MMP26: variants seen among roughly 807,000 people sequenced by gnomAD.
MMP26 encodes the protein matrix metalloproteinase-26.
MMP26 carries 33 observed loss-of-function variants against 31.0 expected under a neutral mutation model. The ratio of observed to expected loss-of-function variants is 1.06; its 90% CI spans 0.81 to 1.42. The LOEUF is 1.42. Among genes scored for constraint, MMP26 ranks in the 40% most tolerant of loss-of-function variants. The pLI is 0.00. For synonymous variants in MMP26, 122 were observed against 114.9 expected, an observed-to-expected ratio of 1.06 and a Z score of -0.40; for missense variants, 347 against 316.1, an observed-to-expected ratio of 1.10 and a Z score of -0.74.
chr11:4,989,304 A>G (rs1304378033), intron 3 of MMP26, among the ~76,000 whole-genome samples: 3 of 152,238 alleles, frequency 2.0e-5, no homozygotes, highest in Non-Finnish European at 4.4e-5. Context: ...AACCTCCATC[A>G]GTCAGAAAGA....
intron 2 of MMP26, among the ~76,000 whole-genome samples, chr11:4,784,716 C>T (rs959621313): frequency 1.3e-5 from 2 of 152,140 alleles, no homozygotes; most frequent in Non-Finnish European, 2.9e-5. Flanking sequence ...AGAGATGGTA[C>T]ATTTGATTTG....
At position 4,988,301 on chromosome 11, in the gene MMP26, C is replaced by G. The variant is rs766140603; in HGVS notation, c.90C>G (p.Asp30Glu). The change falls in exon 3 of 8, where the codon GAC becomes GAG. Residue 30 changes from aspartate (D) to glutamate (E), a missense_variant. By Grantham distance (45) the Asp-to-Glu change is conservative. Transcript: ENST00000380390. The part of the protein sequence containing the change: ...VPPAADHKGW[D>E]FVEGYFHQFF... ...CTGCTGCAGACCATAAAGGATGGGACTTTGTTGAGGTAGGTGAACGACTCA... is the reference window on the plus strand; with the variant it reads ...CTGCTGCAGACCATAAAGGATGGGAGTTTGTTGAGGTAGGTGAACGACTCA... 6 of 1,613,642 alleles carry G rather than the reference C, an allele frequency of 3.7e-6. No homozygotes were observed. Among genetic ancestry groups the G allele is most frequent in the South Asian group, 1.1e-5 (1 of 91,066 alleles).
chr11:4,833,158 ATTTAC>A (rs971445907), intron 2 of MMP26: 1 of 152,138 alleles, frequency 6.6e-6, no homozygotes, highest in African/African-American at 2.4e-5. Context: ...AAATGGTTCT[ATTTAC>A]TTCAAAGTTT....
chr11:4,725,106 T>C (rs1053008464), intron 1 of MMP26, among the ~76,000 whole-genome samples: 10 of 152,162 alleles, frequency 6.6e-5, no homozygotes, highest in African/African-American at 2.4e-4. Flanking sequence ...TCTTCAGCCA[T>C]GTGAAGTGTT....
chr11:4,883,803 G>T (rs1164582638), intron 2 of MMP26, among the ~76,000 whole-genome samples: 3 of 152,112 alleles, frequency 2.0e-5, no homozygotes, highest in African/African-American at 7.2e-5. Flanking sequence ...GTTTTGTGAA[G>T]AAGTAAACTC....
At chr11:4,732,242 A>G (rs1848183052) in intron 1 of MMP26, among the ~76,000 whole-genome samples, 1 of 152,092 alleles carries the variant, frequency 6.6e-6, no homozygotes, top group South Asian at 2.1e-4. Context: ...CTTTTGTTGT[A>G]TCTTTTTATG....
chr11:4,762,502 A>T (rs1419382559), intron 1 of MMP26, among the ~76,000 whole-genome samples: 1 of 152,152 alleles, frequency 6.6e-6, no homozygotes, highest in African/African-American at 2.4e-5. Flanking sequence ...ATTATGTTAT[A>T]ATAATCAAGA....
At chr11:4,754,698 T>C (rs1036009828) in intron 1 of MMP26, among the ~76,000 whole-genome samples, 2 of 152,046 alleles carry the variant, frequency 1.3e-5, no homozygotes, top group Admixed American at 1.3e-4. Context: ...AGTTTGGCTA[T>C]TTCTCCAAAC....
intron 2 of MMP26, among the ~76,000 whole-genome samples, chr11:4,812,098 G>A (rs1354548051): frequency 6.6e-6 from 1 of 152,138 alleles, no homozygotes; most frequent in Non-Finnish European, 1.5e-5. Flanking sequence ...TGCAATTGCA[G>A]GGTTACAAAG....
At chr11:4,928,067 A>G (rs1291428283) in intron 2 of MMP26, among the ~76,000 whole-genome samples, 1 of 152,042 alleles carries the variant, frequency 6.6e-6, no homozygotes, top group African/African-American at 2.4e-5. Flanking sequence ...GGGGGGAGAG[A>G]GAGAGAGAAT....
intron 2 of MMP26, chr11:4,849,343 C>T (rs1156958461): frequency 1.2e-5 from 10 of 811,418 alleles, no homozygotes; most frequent in Non-Finnish European, 1.9e-5. Flanking sequence ...CTCACATACA[C>T]GTACACATAT....
intron 2 of MMP26, chr11:4,924,414 C>T: frequency 6.9e-7 from 1 of 1,447,636 alleles, no homozygotes; most frequent in Non-Finnish European, 9.3e-7. Context: ...TGAATTCTCA[C>T]TCACCTAAAT....
chr11:4,809,641 T>C (rs542034962), intron 2 of MMP26, among the ~76,000 whole-genome samples: 1 of 152,198 alleles, frequency 6.6e-6, no homozygotes, highest in Non-Finnish European at 1.5e-5. Context: ...GCTGGAGCAG[T>C]GTGGGGTTCA....
rs185898822 is a variant in MMP26 at position 4,821,609 on chromosome 11, A to G, written c.-145+54268A>G. 3,626 of 1,613,644 alleles carry G rather than the reference A, an allele frequency of 2.2e-3. 19 individuals carry two copies. In the Middle Eastern group the frequency reaches 0.024, roughly 11 times the overall value. On this transcript the variant is annotated intron_variant, in intron 2 of 7. Coordinates refer to ENST00000380390, the MANE Select transcript of MMP26 (RefSeq NM_021801.5). The stretch of plus-strand genomic sequence containing the variant: ...CGGAGCCTCCATAAGCCTATGTACT[A>G]TTTCCTCTCTATGCTTTCAGCCACA...
At position 4,989,741 on chromosome 11, in the gene MMP26, G is replaced by T. The variant is rs201829333; in HGVS notation, c.193G>T (p.Gly65Trp). The T allele has an allele frequency of 3.0e-5, 48 of 1,614,026 alleles. No individual in the cohort carries two copies. In the Admixed American group the frequency reaches 5.3e-4, roughly 18 times the overall value. Residue 65 changes from glycine (G) to tryptophan (W), a missense_variant, in exon 4 of 8, where the codon GGG (glycine) becomes TGG (tryptophan). By Grantham distance (184) the Gly-to-Trp change is radical. Coordinates refer to ENST00000380390, the MANE Select transcript of MMP26 (RefSeq NM_021801.5). ...TQLLQQFHRN[G>W]TDLLDMQMHA... ...GCTCCTGCAACAATTCCATCGGAATGGGACAGACCTACTTGACATGCAGAT... is the reference window on the plus strand; with the variant it reads ...GCTCCTGCAACAATTCCATCGGAATTGGACAGACCTACTTGACATGCAGAT...
intron 2 of MMP26, among the ~76,000 whole-genome samples, chr11:4,771,917 AT>A (rs2133423283): frequency 6.6e-6 from 1 of 152,314 alleles, no homozygotes; most frequent in South Asian, 2.1e-4. Flanking sequence ...CTATTTGTGA[AT>A]AGGTAACAAA....
chr11:4,864,166 A>G (rs927538469), intron 2 of MMP26, among the ~76,000 whole-genome samples: 8 of 152,030 alleles, frequency 5.3e-5, no homozygotes, highest in Non-Finnish European at 8.8e-5. Flanking sequence ...AGGAACATAT[A>G]AAAAAAAGAT....
At chr11:4,708,953 G>A (rs1205502895) in intron 1 of MMP26, among the ~76,000 whole-genome samples, 1 of 152,024 alleles carries the variant, frequency 6.6e-6, no homozygotes, top group Non-Finnish European at 1.5e-5. Context: ...GTCACCCACT[G>A]TGGTCCATTT....
At chr11:4,941,379 A>G (rs1379652849) in intron 2 of MMP26, among the ~76,000 whole-genome samples, 3 of 152,210 alleles carry the variant, frequency 2.0e-5, no homozygotes, top group African/African-American at 7.2e-5. Flanking sequence ...AGACAAATTC[A>G]TTATGGATTT....
Sources: gnomAD v4.1 joint callset for allele counts (sites outside exome capture counted in the v4.1 genomes callset) on GRCh38, gnomAD v4.1.1 for gene constraint, MANE v1.5 for transcripts, NCBI Gene and HGNC (gene_info 2026-07-23, HGNC 2026-07-21) for gene names.